The following OFD1 variants were observed in gnomAD, a reference collection of about 807,000 sequenced individuals.
OFD1 encodes OFD1 centriole and centriolar satellite protein, also known as centriole and centriolar satellite protein OFD1.
A neutral mutation model predicts 81.4 loss-of-function variants in OFD1; 12 were observed. That is an observed-to-expected ratio of 0.15 (90% CI 0.09 to 0.24). OFD1 has a LOEUF of 0.24. OFD1 is among the 10% of genes least tolerant of loss of function. The probability of loss-of-function intolerance (pLI) is 1.00; values close to 1 mark genes in which losing one functional copy is unlikely to be tolerated. For missense variants in OFD1, 685 were observed against 733.9 expected, an observed-to-expected ratio of 0.93 and a Z score of 0.77; for synonymous variants, 256 against 263.7, an observed-to-expected ratio of 0.97 and a Z score of 0.28.
At chrX:13,737,764 C>T (rs1367309944) in intron 3 of OFD1, among the ~76,000 whole-genome samples, 1 of 112,137 alleles carries the variant, frequency 8.9e-6, no homozygotes, top group African/African-American at 3.2e-5. Context: ...GTGACACAAG[C>T]TTAGTACAGT....
chrX:13,752,107 T>C (rs1287493699), intron 10 of OFD1, among the ~76,000 whole-genome samples: 1 of 112,190 alleles, frequency 8.9e-6, no homozygotes, highest in Non-Finnish European at 1.9e-5. Flanking sequence ...ACATGTGCCT[T>C]GTATTCCTTC....
intron 11 of OFD1, 32 bp from the exon 12 acceptor site, chrX:13,755,116 CATT>C (rs1486014669): frequency 2.0e-6 from 2 of 1,023,692 alleles, no homozygotes; most frequent in South Asian, 3.8e-5. Flanking sequence ...ACTAGGAAAA[CATT>C]ATGGTGTTTA....
rs79732395 is a variant in OFD1 at position 13,748,208 on chromosome X, A to G, written c.829-1219A>G. On this transcript the variant is annotated intron_variant, in intron 8 of 22. Coordinates refer to ENST00000340096, the MANE Select transcript of OFD1 (RefSeq NM_003611.3). ...TTTGAGATGATTGGATTGTGTTTAG[A>G]CTAATAACTTCAACCTTCAAGATAG... Among the ~76,000 whole-genome samples, 364 of 112,457 alleles carry G rather than the reference A, an allele frequency of 3.2e-3. 1 individual carries two copies. The highest frequency in any genetic ancestry group is 5.4e-3 in the Non-Finnish European group (287 of 53,243).
intron 9 of OFD1, 40 bp from the exon 10 acceptor site, chrX:13,751,209 A>G: frequency 8.5e-7 from 1 of 1,181,884 alleles, no homozygotes; most frequent in Non-Finnish European, 1.1e-6. Context: ...TAGCTCAGCT[A>G]TGGTAGTTTA....
chrX:13,727,453 A>C, the OFD1 span, among the ~76,000 whole-genome samples: 1,589 of 112,387 alleles, frequency 0.014, 27 homozygotes, highest in African/African-American at 0.048. Flanking sequence ...ACTCACTCAA[A>C]ACTGCTCAAC....
the OFD1 span, among the ~76,000 whole-genome samples, chrX:13,724,602 G>C: frequency 9.0e-6 from 1 of 111,504 alleles, no homozygotes; most frequent in Non-Finnish European, 1.9e-5. Flanking sequence ...CCTCAAGATA[G>C]GTATATTAAG....
chrX:13,716,727 G>A, the OFD1 span: 7 of 1,167,092 alleles, frequency 6.0e-6, no homozygotes, highest in East Asian at 6.0e-5. Flanking sequence ...ATATGGCATC[G>A]AGAATGCTGA....
chrX:13,738,992 C>G lies in OFD1; in HGVS notation c.382-10C>G. 1 of 1,200,812 alleles carries G rather than the reference C, an allele frequency of 8.3e-7. No individual in the cohort carries two copies. The highest frequency in any genetic ancestry group is 1.7e-5 in the African/African-American group (1 of 57,387). On this transcript the variant is annotated splice_polypyrimidine_tract_variant and intron_variant, in intron 4 of 22. Transcript: ENST00000340096. ...TAGCTGAATAAAAGTGAAATATTTT[C>G]TTTTAACAGGTTTCAGGATCTGATA...
chrX:13,726,763 C>A, the OFD1 span, among the ~76,000 whole-genome samples: 2 of 111,653 alleles, frequency 1.8e-5, no homozygotes, highest in African/African-American at 6.5e-5. Flanking sequence ...ACAATATTAA[C>A]CTTAAATGTA....
chrX:13,726,849 A>T, the OFD1 span, among the ~76,000 whole-genome samples: 1 of 112,080 alleles, frequency 8.9e-6, no homozygotes, highest in African/African-American at 3.2e-5. Context: ...AGTGTGCTGT[A>T]TTCAGGAAAC....
upstream of OFD1, among the ~76,000 whole-genome samples, chrX:13,733,351 G>C (rs751141451): frequency 2.7e-5 from 3 of 111,387 alleles, no homozygotes; most frequent in Non-Finnish European, 5.7e-5. Flanking sequence ...GCGTTGACTC[G>C]TTTACTTATT....
At chrX:13,734,216 A>G (rs1347920450), upstream of OFD1, 1 of 454,607 alleles carries the variant, frequency 2.2e-6, no homozygotes, top group East Asian at 3.8e-5. Context: ...GATACAGCTA[A>G]ACCTACAATG....
chrX:13,770,779 T>G (rs2048280885), downstream of OFD1, among the ~76,000 whole-genome samples: 1 of 112,406 alleles, frequency 8.9e-6, no homozygotes, highest in African/African-American at 3.2e-5. Flanking sequence ...ATTTAATATT[T>G]TCTTTAATTG....
At chrX:13,743,170 C>G (rs1264468620) in intron 5 of OFD1, among the ~76,000 whole-genome samples, 4 of 112,461 alleles carry the variant, frequency 3.6e-5, no homozygotes, top group Non-Finnish European at 7.5e-5. Flanking sequence ...TTAACAGTTT[C>G]ACTCCACTGA....
At chrX:13,769,650 C>G (rs192384629), downstream of OFD1, among the ~76,000 whole-genome samples, 10 of 111,749 alleles carry the variant, frequency 8.9e-5, no homozygotes, top group African/African-American at 3.3e-4. Flanking sequence ...TAAACCCCCC[C>G]GTGTGATAGA....
chrX:13,753,163 G>GT (rs1345130809), intron 10 of OFD1: 20 of 1,048,257 alleles, frequency 1.9e-5, no homozygotes, highest in Middle Eastern at 3.9e-4. Flanking sequence ...TTGGGACCCA[G>GT]TTTATAGGAT....
At chrX:13,725,452 C>T in the OFD1 span, among the ~76,000 whole-genome samples, 377 of 112,370 alleles carry the variant, frequency 3.4e-3, 1 homozygote, top group African/African-American at 0.012. Flanking sequence ...GCTGGTGATA[C>T]CCAGGCAAAC....
chrX:13,720,003 A>G, the OFD1 span: 1 of 993,939 alleles, frequency 1.0e-6, no homozygotes, highest in Non-Finnish European at 1.3e-6. Flanking sequence ...GAAAAATAGT[A>G]CATATTTTTA....
chrX:13,755,125 G>GT, intron 11 of OFD1, 26 bp from the exon 12 acceptor site: 1 of 1,100,826 alleles, frequency 9.1e-7, no homozygotes, highest in Non-Finnish European at 1.3e-6. Context: ...ACATTATGGT[G>GT]TTTAATTGGT....
Sources: allele counts gnomAD v4.1 joint callset (sites outside exome capture counted in the v4.1 genomes callset), GRCh38; gene constraint gnomAD v4.1.1; transcripts MANE v1.5; gene names NCBI Gene and HGNC (gene_info 2026-07-23, HGNC 2026-07-21).